Variants in FGF12 observed in about 807,000 individuals in gnomAD.
The protein encoded by FGF12 is fibroblast growth factor 12, also known as fibroblast growth factor 12B.
Under a neutral mutation model 23.6 loss-of-function variants are expected in FGF12, and 14 were observed. The ratio of observed to expected loss-of-function variants is 0.59; its 90% CI spans 0.39 to 0.93. FGF12 has a LOEUF of 0.93. Ranked by LOEUF, FGF12 falls within the 40% of genes least tolerant of loss-of-function variation. FGF12 has a pLI of 0.00. For synonymous variants in FGF12, 62 were observed against 77.3 expected (o/e 0.80, Z 1.04); for missense variants, 175 against 217.8 (o/e 0.80, Z 1.24).
At chr3:192,220,775 G>T (rs1395423519) in intron 4 of FGF12, among the ~76,000 whole-genome samples, 1 of 152,158 alleles carries the variant, frequency 6.6e-6, no homozygotes, top group Admixed American at 6.5e-5. Context: ...AAATTTGGGG[G>T]TATAAATATG....
intron 4 of FGF12, among the ~76,000 whole-genome samples, chr3:192,204,724 A>G (rs1717553174): frequency 6.6e-6 from 1 of 152,040 alleles, no homozygotes; most frequent in Non-Finnish European, 1.5e-5. Context: ...CATCTCTACC[A>G]AAAATACAAA....
chr3:192,432,804 A>C (rs575477205), intron 2 of FGF12, among the ~76,000 whole-genome samples: 34 of 152,248 alleles, frequency 2.2e-4, no homozygotes, highest in African/African-American at 8.2e-4. Flanking sequence ...ACCTGAGTAG[A>C]GGACCCAGTG....
chr3:192,516,185 A>G (rs1413356542), intron 2 of FGF12, among the ~76,000 whole-genome samples: 1 of 152,186 alleles, frequency 6.6e-6, no homozygotes, highest in Non-Finnish European at 1.5e-5. Flanking sequence ...AGTGTTTGCA[A>G]TTATTATTAT....
At chr3:192,665,730 C>A (rs1324212732) in intron 2 of FGF12, among the ~76,000 whole-genome samples, 3 of 151,996 alleles carry the variant, frequency 2.0e-5, no homozygotes, top group Non-Finnish European at 4.4e-5. Context: ...AACCACATGG[C>A]ACATATAACA....
At chr3:192,271,453 G>C (rs771132363) in intron 4 of FGF12, among the ~76,000 whole-genome samples, 1 of 152,182 alleles carries the variant, frequency 6.6e-6, no homozygotes, top group Non-Finnish European at 1.5e-5. Flanking sequence ...GCAAGGCAAA[G>C]TCTGATTTGG....
chr3:192,210,314 A>G (rs1717863393), intron 4 of FGF12, among the ~76,000 whole-genome samples: 1 of 152,170 alleles, frequency 6.6e-6, no homozygotes, highest in African/African-American at 2.4e-5. Flanking sequence ...GAAGTCAGTA[A>G]TTTAGACGAA....
At chr3:192,677,677 T>C (rs1717377203) in intron 2 of FGF12, among the ~76,000 whole-genome samples, 1 of 152,224 alleles carries the variant, frequency 6.6e-6, no homozygotes, top group African/African-American at 2.4e-5. Flanking sequence ...GGACGCAATG[T>C]GACCTCAACC....
intron 2 of FGF12, among the ~76,000 whole-genome samples, chr3:192,470,545 C>A (rs1024859333): frequency 6.6e-6 from 1 of 152,128 alleles, no homozygotes; most frequent in Non-Finnish European, 1.5e-5. Context: ...ACCGCCACCA[C>A]ACCTAGCTAA....
chr3:192,249,324 A>C (rs1711846766), intron 4 of FGF12, among the ~76,000 whole-genome samples: 1 of 152,224 alleles, frequency 6.6e-6, no homozygotes, highest in South Asian at 2.1e-4. Flanking sequence ...ACAATACTGC[A>C]TGCAGCAGCT....
At chr3:192,396,220 C>T (rs189613807) in intron 2 of FGF12, among the ~76,000 whole-genome samples, 10 of 152,266 alleles carry the variant, frequency 6.6e-5, no homozygotes, top group Non-Finnish European at 4.4e-5. Flanking sequence ...CACAGTAACA[C>T]AAATCCAGCA....
rs574224771 is a variant in FGF12, at chr3:192,705,564, T to C, written c.13+21617A>G. 7.2e-5 allele frequency among the ~76,000 whole-genome samples: 11 copies of C among 152,368 alleles called. No homozygotes were observed. In the South Asian group the frequency reaches 2.3e-3, roughly 32 times the overall value. ...ACATTTATGGATTAAGTTGTTGTCT[T>C]ATGTGGGCATGGCTTGTGGCACTCC... is the stretch of plus-strand genomic sequence containing the variant. On this transcript the variant is annotated intron_variant, in intron 2 of 5. Transcript: ENST00000445105.
chr3:192,528,468 T>G (rs1725008153), intron 2 of FGF12, among the ~76,000 whole-genome samples: 4 of 152,060 alleles, frequency 2.6e-5, no homozygotes, highest in African/African-American at 7.2e-5. Context: ...TGGGCTGGTG[T>G]TGTGTGTCTG....
intron 2 of FGF12, among the ~76,000 whole-genome samples, chr3:192,573,775 A>G (rs1487248205): frequency 6.6e-6 from 1 of 152,246 alleles, no homozygotes; most frequent in Non-Finnish European, 1.5e-5. Flanking sequence ...CAAACAGAGC[A>G]AGAAGACATT....
chr3:192,228,706 T>C (rs1396648096), intron 4 of FGF12, among the ~76,000 whole-genome samples: 3 of 152,118 alleles, frequency 2.0e-5, no homozygotes, highest in Non-Finnish European at 4.4e-5. Context: ...GAATGTCATA[T>C]TCTCAAGGAA....
At chr3:192,647,752 C>CAT (rs1227859429) in intron 2 of FGF12, among the ~76,000 whole-genome samples, 36 of 148,398 alleles carry the variant, frequency 2.4e-4, no homozygotes, top group South Asian at 4.3e-4. Context: ...TATATATACA[C>CAT]ATATATATAT....
intron 4 of FGF12, among the ~76,000 whole-genome samples, chr3:192,293,771 A>G (rs1714886496): frequency 6.6e-6 from 1 of 152,084 alleles, no homozygotes; most frequent in African/African-American, 2.4e-5. Context: ...GTTCTTGCTT[A>G]TCTTCATCTG....
chr3:192,669,799 TA>T (rs1198001607), intron 2 of FGF12, among the ~76,000 whole-genome samples: 1 of 152,100 alleles, frequency 6.6e-6, no homozygotes, highest in Non-Finnish European at 1.5e-5. Context: ...TGACATTGTG[TA>T]ATAAACTGTG....
rs1560032985 is a variant in FGF12, at chr3:192,247,046, AAG to A, written c.229-76392_229-76391del. Among the ~76,000 whole-genome samples, 362 of 60,964 alleles carry A rather than the reference AAG, an allele frequency of 5.9e-3. 8 individuals are homozygous for A. Among genetic ancestry groups the A allele is most frequent in the African/African-American group, 0.013 (197 of 15,246 alleles). 40.0% of individuals were successfully genotyped at this position (60,964 alleles called of 152,430 possible). The stretch of plus-strand genomic sequence containing the variant: ...GAGGGAAGGAAAGAAGGAAGGAAGG[AAG>A]GAAGGAAGGAAGGAAGGAAGGAAGG... On this transcript the variant is annotated intron_variant, in intron 4 of 5. Transcript: ENST00000445105.
chr3:192,511,009 G>A (rs1248820845), intron 2 of FGF12, among the ~76,000 whole-genome samples: 2 of 152,106 alleles, frequency 1.3e-5, no homozygotes, highest in Non-Finnish European at 2.9e-5. Flanking sequence ...GGATCGTTGA[G>A]GTTTTTTTTG....
Sources: allele counts gnomAD v4.1 joint callset (sites outside exome capture counted in the v4.1 genomes callset), GRCh38; gene constraint gnomAD v4.1.1; transcripts MANE v1.5; gene names NCBI Gene and HGNC (gene_info 2026-07-23, HGNC 2026-07-21).